Variants in RNF215 observed in about 807,000 individuals in gnomAD.
RNF215 encodes the protein ring finger protein 215.
A neutral mutation model predicts 44.8 loss-of-function variants in RNF215; 41 were observed. That is an observed-to-expected ratio of 0.92 (90% CI 0.71 to 1.19). The LOEUF (loss-of-function observed/expected upper bound fraction) is 1.19, where lower values mean the gene tolerates loss of function less well. Among genes scored for constraint, RNF215 ranks in the 50% most tolerant of loss-of-function variants. RNF215 has a pLI of 0.00. For missense variants in RNF215, 452 were observed against 496.2 expected (o/e 0.91, Z 0.85); for synonymous variants, 218 against 230.1 (o/e 0.95, Z 0.48).
At chr22:30,384,560 A>G in intron 4 of RNF215, 65 bp from the exon 5 acceptor site, 1 of 1,423,876 alleles carries the variant, frequency 7.0e-7, no homozygotes, top group Non-Finnish European at 9.6e-7. Context: ...AGACCCACCC[A>G]CCCCAGCTCT....
intron 5 of RNF215, among the ~76,000 whole-genome samples, chr22:30,383,507 G>C (rs1012462382): frequency 1.3e-5 from 2 of 152,184 alleles, no homozygotes; most frequent in Non-Finnish European, 2.9e-5. Flanking sequence ...GCCAGGATTT[G>C]ATCCCAAGAT....
intron 5 of RNF215, among the ~76,000 whole-genome samples, chr22:30,381,864 C>T (rs1452001404): frequency 6.6e-6 from 1 of 152,194 alleles, no homozygotes; most frequent in South Asian, 2.1e-4. Context: ...TGGGCAGTGC[C>T]ACCTGTTCTA....
Position 30,379,569 on chromosome 22 carries a change from C to T in RNF215, c.*31G>A. 6.5e-7 allele frequency: 1 copy of T among 1,548,826 alleles called. No homozygotes were observed. Among genetic ancestry groups the T allele is most frequent in the Non-Finnish European group, 8.7e-7 (1 of 1,146,922 alleles). On this transcript the variant is annotated 3_prime_UTR_variant, in exon 9 of 9. Coordinates refer to ENST00000382363, the MANE Select transcript of RNF215 (RefSeq NM_001017981.2). Reference sequence around the variant, plus strand: ...GGACCGGGGTGCAGGCAGGAAGGGTCCATCCCCATGTGCAGAGTCCAGCTG... The same window carrying T: ...GGACCGGGGTGCAGGCAGGAAGGGTTCATCCCCATGTGCAGAGTCCAGCTG...
At position 30,387,402 on chromosome 22, in the gene RNF215, G is replaced by C. The variant is rs964088059; in HGVS notation, c.-89C>G. ...GGGAGCGAGGCCGCTGCCGGACGGG[G>C]CGGGGCGCCGGGAGGGGCGGGGCCG... On this transcript the variant is annotated 5_prime_UTR_variant, in exon 1 of 9. Transcript: ENST00000382363. The C allele has an allele frequency of 7.3e-6, 6 of 826,370 alleles. No individual in the cohort carries two copies. The highest frequency in any genetic ancestry group is 3.7e-5 in the African/African-American group (2 of 54,170). The allele number at this position is 826,370 out of a possible 1,614,324, so 51.2% of individuals were successfully genotyped here.
At chr22:30,385,397 G>A (rs139846561) in intron 4 of RNF215, among the ~76,000 whole-genome samples, 2,627 of 150,220 alleles carry the variant, frequency 0.017, 71 homozygotes, top group African/African-American at 0.061. Context: ...ACTCCAGCCT[G>A]GGTGACAGAG....
rs904972620 is a variant in RNF215 at position 30,379,102 on chromosome 22, A to G, written c.*498T>C. ...CTTGAGGACCAAAGGCAACAGGCAG[A>G]CAGCCTTGACAAGAAGTATCCTGAA... is the stretch of plus-strand genomic sequence containing the variant. On this transcript the variant is annotated 3_prime_UTR_variant, in exon 9 of 9. Coordinates refer to ENST00000382363, the MANE Select transcript of RNF215 (RefSeq NM_001017981.2). The G allele has an allele frequency of 2.5e-5, 4 of 162,360 alleles. No homozygotes were observed. The highest frequency in any genetic ancestry group is 5.7e-5 in the Admixed American group (1 of 17,534). The allele number at this position is 162,360 out of a possible 1,614,324, so 10.1% of individuals were successfully genotyped here.
intron 1 of RNF215, 76 bp downstream of exon 1, chr22:30,386,953 G>A: frequency 6.6e-7 from 1 of 1,509,566 alleles, no homozygotes; most frequent in Non-Finnish European, 8.8e-7. Context: ...ATGAACGTCG[G>A]TTCAGGGTGC....
Position 30,385,967 on chromosome 22 carries a change from A to C in RNF215, c.524T>G (p.Leu175Arg). The C allele has an allele frequency of 6.2e-7, 1 of 1,614,176 alleles. No homozygotes were observed. Among genetic ancestry groups the C allele is most frequent in the African/African-American group, 1.3e-5 (1 of 75,052 alleles). Residue 175 changes from leucine (L) to arginine (R), a missense_variant, in exon 4 of 9, where the codon CTC becomes CGC. Physicochemically the swap from Leu to Arg is moderately radical, Grantham distance 102. Transcript: ENST00000382363. ...VRELDISQLL[L>R]RPVIVLHYSS... is the part of the protein sequence containing the mutation. ...ATAATGGAGGACGATCACTGGCCTG[A>C]GCAGAAGCTGGGATATGTCCAGCTG...
chr22:30,386,019 T>A (rs752708761), intron 3 of RNF215, 30 bp from the exon 4 acceptor site: 1 of 1,613,810 alleles, frequency 6.2e-7, no homozygotes, highest in Admixed American at 1.7e-5. Flanking sequence ...TCAGCAGGCC[T>A]GGGTCCCCCT....
chr22:30,384,590 G>A (rs781608390), intron 4 of RNF215, 95 bp from the exon 5 acceptor site: 166 of 1,123,500 alleles, frequency 1.5e-4, no homozygotes, highest in South Asian at 4.4e-4. Context: ...GGATACCTAC[G>A]ACTGTCGCCC....
Position 30,386,006 on chromosome 22 carries a change from A to C in RNF215, c.502-17T>G, listed in dbSNP as rs771209883. The C allele has an allele frequency of 2.5e-6, 4 of 1,613,878 alleles. No individual in the cohort carries two copies. In the African/African-American group the frequency reaches 4.0e-5, roughly 16 times the overall value. On this transcript the variant is annotated splice_polypyrimidine_tract_variant and intron_variant, in intron 3 of 8. Coordinates refer to ENST00000382363, the MANE Select transcript of RNF215 (RefSeq NM_001017981.2). ...TATGTCCAGCTGCAGGGAGACAAGGAGGTCAGCAGGCCTGGGTCCCCCTTT... is the reference window on the plus strand; with the variant it reads ...TATGTCCAGCTGCAGGGAGACAAGGCGGTCAGCAGGCCTGGGTCCCCCTTT...
intron 4 of RNF215, among the ~76,000 whole-genome samples, chr22:30,385,618 T>C (rs553781895): frequency 1.3e-5 from 2 of 151,702 alleles, no homozygotes; most frequent in Admixed American, 1.3e-4. Flanking sequence ...ACCCTGTCTC[T>C]ACTAAAAATA....
chr22:30,385,763 C>G (rs1360681247), intron 4 of RNF215, 141 bp downstream of exon 4: 3 of 696,944 alleles, frequency 4.3e-6, no homozygotes, highest in Middle Eastern at 4.1e-4. Context: ...CCAGCCTGGG[C>G]AACACGAGTG....
At position 30,380,569 on chromosome 22, in the gene RNF215, G is replaced by A. The variant is rs1346251097; in HGVS notation, c.745-168C>T. On this transcript the variant is annotated intron_variant, in intron 5 of 8. Coordinates refer to ENST00000382363, the MANE Select transcript of RNF215 (RefSeq NM_001017981.2). The surrounding 1 kb of genome is among the most constrained non-coding windows in gnomAD (Gnocchi z 5.3). ...CTGAAGGCTCCGTCTCTTCCATTGT[G>A]TGCTTCTCAGGATCACTCACTCTGC... Among the ~76,000 whole-genome samples, 1 of 151,886 alleles carries A rather than the reference G, an allele frequency of 6.6e-6. No individual in the cohort carries two copies. The highest frequency in any genetic ancestry group is 2.4e-5 in the African/African-American group (1 of 41,308).
intron 5 of RNF215, among the ~76,000 whole-genome samples, chr22:30,382,597 A>C (rs1470612102): frequency 6.6e-6 from 1 of 152,172 alleles, no homozygotes; most frequent in Non-Finnish European, 1.5e-5. Context: ...CCTGCTGTAG[A>C]GCTCCATGCC....
Position 30,387,070 on chromosome 22 carries a change from C to T in RNF215, c.244G>A (p.Glu82Lys), listed in dbSNP as rs2065001522. Residue 82 changes from glutamate to lysine, a missense_variant, in exon 1 of 9, where the codon GAA becomes AAA. Coordinates refer to ENST00000382363, the MANE Select transcript of RNF215 (RefSeq NM_001017981.2). ...LVLEGVRIGSEADPAPLLGGR... is the reference protein window; with the variant it reads ...LVLEGVRIGSKADPAPLLGGR... ...CCCAGCAGGGGCGCCGGGTCGGCTT[C>T]GGAGCCGATCCTGACGCCCTCCAGG... 7 of 1,541,802 alleles carry T rather than the reference C, an allele frequency of 4.5e-6. No individual in the cohort carries two copies. The highest frequency in any genetic ancestry group is 1.4e-5 in the African/African-American group (1 of 72,956).
At chr22:30,385,441 A>AT (rs2145986666) in intron 4 of RNF215, among the ~76,000 whole-genome samples, 1 of 147,124 alleles carries the variant, frequency 6.8e-6, no homozygotes, top group Admixed American at 6.8e-5. Context: ...AAAAAAAAAA[A>AT]GTTAACAGTT....
rs1177828952 is a variant in RNF215 at position 30,379,608 on chromosome 22, C to T, written c.1126G>A (p.Asp376Asn). Reference protein sequence around the residue: ...KFNVLGNRYSDD With the variant: ...KFNVLGNRYSND The stretch of plus-strand genomic sequence containing the variant: ...AGAGTCCAGCTGGGCAGCTAATCAT[C>T]GGAGTAGCGGTTCCCTGCAGGGGAG... Residue 376 changes from aspartate to asparagine, a missense_variant, in exon 9 of 9, where the codon GAT becomes AAT. Transcript: ENST00000382363. 19 of 1,550,872 alleles carry T rather than the reference C, an allele frequency of 1.2e-5. No individual in the cohort carries two copies. The highest frequency in any genetic ancestry group is 1.5e-5 in the Non-Finnish European group (17 of 1,147,050).
chr22:30,384,399 C>T lies in RNF215; in HGVS notation c.684G>A (p.Lys228=), dbSNP rs925752848. 4 of 1,614,100 alleles carry T rather than the reference C, an allele frequency of 2.5e-6. No homozygotes were observed. The highest frequency in any genetic ancestry group is 3.4e-6 in the Non-Finnish European group (4 of 1,179,976). The change falls in exon 5 of 9, where the codon AAG becomes AAA. Residue 228 remains lysine (K), a synonymous_variant. Transcript: ENST00000382363. The stretch of plus-strand genomic sequence containing the variant: ...AGTCCTGCCATCCTCCATAGCCATC[C>T]TTGGAGAGGCCACAGGTGGTCCACA... The part of the protein sequence containing the change: ...LTLWTTCGLS[K]DGYGGWQDLV...
Sources: gnomAD v4.1 joint callset for allele counts (sites outside exome capture counted in the v4.1 genomes callset) on GRCh38, gnomAD v4.1.1 for gene constraint, Gnocchi (gnomAD v3.1) non-coding constraint, MANE v1.5 for transcripts, NCBI Gene and HGNC (gene_info 2026-07-23, HGNC 2026-07-21) for gene names.